Variants in RFTN1 observed in about 807,000 individuals in gnomAD.
The protein encoded by RFTN1 is raftlin, lipid raft linker 1, also known as raftlin.
A neutral mutation model predicts 46.5 loss-of-function variants in RFTN1; 26 were observed. The observed-to-expected ratio is 0.56, with a 90% CI of 0.41 to 0.78. The LOEUF (loss-of-function observed/expected upper bound fraction) is 0.78. Among genes scored for constraint, RFTN1 ranks in the 30% least tolerant of loss-of-function variants. The probability of loss-of-function intolerance (pLI) is 0.00; values close to 1 mark genes in which losing one functional copy is unlikely to be tolerated. For missense variants in RFTN1, 693 were observed against 718.7 expected, an observed-to-expected ratio of 0.96 and a Z score of 0.41; for synonymous variants, 261 against 284.2, an observed-to-expected ratio of 0.92 and a Z score of 0.82.
chr3:16,322,556 G>C lies in RFTN1; in HGVS notation c.1332+820C>G, dbSNP rs1284509669. Among the ~76,000 whole-genome samples the C allele has an allele frequency of 2.0e-5, 3 of 152,186 alleles. No individual in the cohort carries two copies. The highest frequency in any genetic ancestry group is 7.2e-5 in the African/African-American group (3 of 41,448). ...CCAGGTGATGCCTGACTCAGGCTTT[G>C]GTGTGTCCACTCGACTCACTGGCCT... On this transcript the variant is annotated intron_variant, in intron 9 of 9. Transcript: ENST00000334133. This position sits in a 1 kb window ranked among gnomAD's most constrained non-coding sequence, Gnocchi z 6.2.
chr3:16,455,585 C>T (rs1433469898), intron 2 of RFTN1, among the ~76,000 whole-genome samples: 1 of 152,088 alleles, frequency 6.6e-6, no homozygotes, highest in Non-Finnish European at 1.5e-5. Flanking sequence ...TAGGAGAGGA[C>T]ATTAACACCA....
rs1575296260 is a variant in RFTN1, at chr3:16,440,799, C to T, written c.146-6762G>A. On this transcript the variant is annotated intron_variant, in intron 2 of 9. Transcript: ENST00000334133. This position sits in a 1 kb window ranked among gnomAD's most constrained non-coding sequence, Gnocchi z 4.6. Reference sequence around the variant, plus strand: ...AAGTAACTGTAATTTTTTTCTCAATCCCATATGGCCAAAGTCAAGACCTAG... The same window carrying T: ...AAGTAACTGTAATTTTTTTCTCAATTCCATATGGCCAAAGTCAAGACCTAG... Among the ~76,000 whole-genome samples, 1 of 152,106 alleles carries T rather than the reference C, an allele frequency of 6.6e-6. No homozygotes were observed. The highest frequency in any genetic ancestry group is 1.5e-5 in the Non-Finnish European group (1 of 68,028).
chr3:16,502,296 G>C (rs1009923709), intron 1 of RFTN1, among the ~76,000 whole-genome samples: 1 of 151,876 alleles, frequency 6.6e-6, no homozygotes, highest in South Asian at 2.1e-4. Context: ...AGGATGTTGA[G>C]GCTGCAGTGA....
At position 16,338,243 on chromosome 3, in the gene RFTN1, C is replaced by A. The variant is rs977801547; in HGVS notation, c.1147-11367G>T. On this transcript the variant is annotated intron_variant, in intron 7 of 9. Coordinates refer to ENST00000334133, the MANE Select transcript of RFTN1 (RefSeq NM_015150.2). The surrounding 1 kb of genome is among the most constrained non-coding windows in gnomAD (Gnocchi z 5.3). ...ATCCTTATTATCAGGGGTGTCTGCC[C>A]ACACACACCTGCATGAGCAGAATGA... Among the ~76,000 whole-genome samples, 4 of 152,184 alleles carry A rather than the reference C, an allele frequency of 2.6e-5. No individual in the cohort carries two copies. Among genetic ancestry groups the A allele is most frequent in the Non-Finnish European group, 5.9e-5 (4 of 68,046 alleles).
rs566680077 is a variant in RFTN1 at position 16,322,702 on chromosome 3, T to C, written c.1332+674A>G. Among the ~76,000 whole-genome samples the C allele has an allele frequency of 2.6e-5, 4 of 152,300 alleles. No individual in the cohort carries two copies. The highest frequency in any genetic ancestry group is 9.6e-5 in the African/African-American group (4 of 41,562). ...CCGACACTTGCACCTCGTACAGCCC[T>C]TGTGCTCAACCTTCAGGAATCACAG... On this transcript the variant is annotated intron_variant, in intron 9 of 9. Coordinates refer to ENST00000334133, the MANE Select transcript of RFTN1 (RefSeq NM_015150.2). The surrounding 1 kb of genome is among the most constrained non-coding windows in gnomAD (Gnocchi z 6.2).
At chr3:16,492,695 T>A (rs1194373446) in intron 2 of RFTN1, among the ~76,000 whole-genome samples, 1 of 152,234 alleles carries the variant, frequency 6.6e-6, no homozygotes, top group African/African-American at 2.4e-5. Flanking sequence ...AAGAATAGCA[T>A]GTTCTTCCTC....
At position 16,425,252 on chromosome 3, in the gene RFTN1, C is replaced by T. The variant is rs574163408; in HGVS notation, c.332+8599G>A. Reference sequence around the variant, plus strand: ...AATTTTTACTTAAAGATTGTATGTACATGTGGGAAGAGGGGGCCTCTATTT... The same window carrying T: ...AATTTTTACTTAAAGATTGTATGTATATGTGGGAAGAGGGGGCCTCTATTT... On this transcript the variant is annotated intron_variant, in intron 3 of 9. Transcript: ENST00000334133. This position sits in a 1 kb window ranked among gnomAD's most constrained non-coding sequence, Gnocchi z 4.3. Among the ~76,000 whole-genome samples the T allele has an allele frequency of 2.4e-4, 36 of 152,226 alleles. No homozygotes were observed. Among genetic ancestry groups the T allele is most frequent in the African/African-American group, 6.0e-4 (25 of 41,536 alleles).
chr3:16,404,245 T>C (rs181409384), intron 4 of RFTN1, among the ~76,000 whole-genome samples: 1 of 9,982 alleles, frequency 1.0e-4, no homozygotes, highest in African/African-American at 5.3e-4. Flanking sequence ...ATATATATTT[T>C]ATATATAATA....
chr3:16,475,430 T>C lies in RFTN1; in HGVS notation c.145+18295A>G, dbSNP rs918505519. Among the ~76,000 whole-genome samples the C allele has an allele frequency of 3.3e-5, 5 of 152,222 alleles. No individual in the cohort carries two copies. The highest frequency in any genetic ancestry group is 1.3e-4 in the Admixed American group (2 of 15,278). ...CCAGGAGACACTGCAATGGTTTTACTGAACTAGAAGTTGAGATTGCCCCTT... is the reference window on the plus strand; with the variant it reads ...CCAGGAGACACTGCAATGGTTTTACCGAACTAGAAGTTGAGATTGCCCCTT... On this transcript the variant is annotated intron_variant, in intron 2 of 9. Transcript: ENST00000334133. This position sits in a 1 kb window ranked among gnomAD's most constrained non-coding sequence, Gnocchi z 4.2.
At chr3:16,391,163 C>T (rs1431841834) in intron 4 of RFTN1, among the ~76,000 whole-genome samples, 1 of 152,184 alleles carries the variant, frequency 6.6e-6, no homozygotes, top group Non-Finnish European at 1.5e-5. Flanking sequence ...CGAATCTCCC[C>T]CCAGCTACCT....
chr3:16,485,291 A>G (rs979927962), intron 2 of RFTN1, among the ~76,000 whole-genome samples: 1 of 152,236 alleles, frequency 6.6e-6, no homozygotes, highest in African/African-American at 2.4e-5. Flanking sequence ...AAAGGAATTA[A>G]CTCTTGATAC....
Position 16,507,623 on chromosome 3 carries a change from T to C in RFTN1, c.-9+5819A>G, listed in dbSNP as rs74338555. ...AAACACACACACACACACACACACA[T>C]ACACACACACATGCACACATCCACA... On this transcript the variant is annotated intron_variant, in intron 1 of 9. Transcript: ENST00000334133. This position sits in a 1 kb window ranked among gnomAD's most constrained non-coding sequence, Gnocchi z 7.1. 2.6e-4 allele frequency among the ~76,000 whole-genome samples: 27 copies of C among 105,112 alleles called. No homozygotes were observed. Among genetic ancestry groups the C allele is most frequent in the East Asian group, 8.1e-4 (3 of 3,688 alleles). 69.0% of individuals were successfully genotyped at this position (105,112 alleles called of 152,430 possible). A position where few individuals can be genotyped will look rare whatever the true frequency, so the allele number is the denominator to read the frequency against.
At position 16,324,438 on chromosome 3, in the gene RFTN1, C is replaced by T. The variant is rs114373787; in HGVS notation, c.1251-981G>A. ...GATCAACATCTCTCGTTTGCCCATC[C>T]GCCCCACTCCCCAGCCTCTGGTAAA... On this transcript the variant is annotated intron_variant, in intron 8 of 9. Transcript: ENST00000334133. Among the ~76,000 whole-genome samples the T allele has an allele frequency of 4.6e-3, 702 of 152,182 alleles. 3 individuals are homozygous for T. The highest frequency in any genetic ancestry group is 0.016 in the African/African-American group (654 of 41,514).
rs1030042116 is a variant in RFTN1 at position 16,499,340 on chromosome 3, G to A, written c.-8-5463C>T. ...CGGAATAACACAGTTCCAGTTTCTG[G>A]ACCCAGCTTTAAGAAACTTGAGAGC... On this transcript the variant is annotated intron_variant, in intron 1 of 9. Coordinates refer to ENST00000334133, the MANE Select transcript of RFTN1 (RefSeq NM_015150.2). The surrounding 1 kb of genome is among the most constrained non-coding windows in gnomAD (Gnocchi z 4.9). Among the ~76,000 whole-genome samples the A allele has an allele frequency of 2.6e-5, 4 of 152,162 alleles. No homozygotes were observed. Among genetic ancestry groups the A allele is most frequent in the Non-Finnish European group, 4.4e-5 (3 of 68,030 alleles).
rs548089664 is a variant in RFTN1 at position 16,399,390 on chromosome 3, C to T, written c.441+9985G>A. Among the ~76,000 whole-genome samples the T allele has an allele frequency of 2.6e-5, 4 of 152,322 alleles. No individual in the cohort carries two copies. In the South Asian group the frequency reaches 6.2e-4, roughly 24 times the overall value. ...CCCAAAAACATTTTGGATCATGCCT[C>T]ACAAAAATATGCTTCTGTGGAGGTT... On this transcript the variant is annotated intron_variant, in intron 4 of 9. Transcript: ENST00000334133.
chr3:16,339,436 T>A (rs2071160275), intron 7 of RFTN1: 1 of 152,164 alleles, frequency 6.6e-6, no homozygotes, highest in Non-Finnish European at 1.5e-5. Context: ...ACATCAGACA[T>A]CTGGCTGTTC....
chr3:16,460,255 A>G lies in RFTN1; in HGVS notation c.146-26218T>C, dbSNP rs1377692211. 6.6e-6 allele frequency among the ~76,000 whole-genome samples: 1 copy of G among 152,094 alleles called. No individual in the cohort carries two copies. The highest frequency in any genetic ancestry group is 1.5e-5 in the Non-Finnish European group (1 of 68,020). On this transcript the variant is annotated intron_variant, in intron 2 of 9. Transcript: ENST00000334133. This position sits in a 1 kb window ranked among gnomAD's most constrained non-coding sequence, Gnocchi z 4.8. The stretch of plus-strand genomic sequence containing the variant: ...TTTTGATATTTGTACATTTACTGGG[A>G]TCTGGCAGGATGAGTTGCACATGGG...
In RFTN1 at chr3:16,450,625, C is replaced by A. The variant is rs1316606988; in HGVS notation, c.146-16588G>T. On this transcript the variant is annotated intron_variant, in intron 2 of 9. Coordinates refer to ENST00000334133, the MANE Select transcript of RFTN1 (RefSeq NM_015150.2). This position sits in a 1 kb window ranked among gnomAD's most constrained non-coding sequence, Gnocchi z 4.6. ...TCTCTACCTCCTGTCTCTAACTGCT[C>A]CTGAGGCAGGACAGGCACCCCAAAC... 6.6e-6 allele frequency among the ~76,000 whole-genome samples: 1 copy of A among 152,194 alleles called. No homozygotes were observed. Among genetic ancestry groups the A allele is most frequent in the East Asian group, 1.9e-4 (1 of 5,196 alleles).
rs547545705 is a variant in RFTN1 at position 16,504,229 on chromosome 3, A to G, written c.-9+9213T>C. ...AACAGCAGCCTTTCAGAAAAATAGC[A>G]CACATAAACTGAAAGAAGAAATATT... On this transcript the variant is annotated intron_variant, in intron 1 of 9. Coordinates refer to ENST00000334133, the MANE Select transcript of RFTN1 (RefSeq NM_015150.2). The surrounding 1 kb of genome is among the most constrained non-coding windows in gnomAD (Gnocchi z 4.4). Among the ~76,000 whole-genome samples, 2 of 152,346 alleles carry G rather than the reference A, an allele frequency of 1.3e-5. No individual in the cohort carries two copies. The highest frequency in any genetic ancestry group is 1.9e-4 in the East Asian group (1 of 5,192).
Sources: gnomAD v4.1 joint callset for allele counts (sites outside exome capture counted in the v4.1 genomes callset) on GRCh38, gnomAD v4.1.1 for gene constraint, Gnocchi (gnomAD v3.1) non-coding constraint, MANE v1.5 for transcripts, NCBI Gene and HGNC (gene_info 2026-07-23, HGNC 2026-07-21) for gene names.